The following MYCBP2 variants were observed in gnomAD, a reference collection of about 807,000 sequenced individuals.
MYCBP2 encodes E3 ubiquitin-protein ligase MYCBP2.
In MYCBP2, 120 loss-of-function variants were observed where a neutral mutation model predicts 525.3. The observed-to-expected ratio is 0.23, with a 90% confidence interval of 0.20 to 0.27. MYCBP2 has a LOEUF of 0.27. Among genes scored for constraint, MYCBP2 ranks in the 10% least tolerant of loss-of-function variants. MYCBP2 has a pLI of 1.00. For synonymous variants in MYCBP2, 1,894 were observed against 1,955.8 expected, an observed-to-expected ratio of 0.97 and a Z score of 0.83; for missense variants, 4,149 against 5,657.1, an observed-to-expected ratio of 0.73 and a Z score of 8.55.
chr13:77,095,195 C>T (rs1183398417), intron 58 of MYCBP2, among the ~76,000 whole-genome samples, 163 bp downstream of exon 58: 1 of 151,990 alleles, frequency 6.6e-6, no homozygotes, highest in Non-Finnish European at 1.5e-5. Flanking sequence ...ACCATAAAGT[C>T]ATTATGTCAG....
At position 77,169,926 on chromosome 13, in the gene MYCBP2, T is replaced by A. The variant is rs566380706; in HGVS notation, c.5795-212A>T. On this transcript the variant is annotated intron_variant, in intron 38 of 82. Coordinates refer to ENST00000544440, the MANE Select transcript of MYCBP2 (RefSeq NM_015057.5). ...TACTCACAATAAGATACTTTTATTA[T>A]CCCCAATTTTCAGAAAGGAAAACCA... is the stretch of plus-strand genomic sequence containing the variant. Among the ~76,000 whole-genome samples the A allele has an allele frequency of 5.3e-5, 8 of 152,272 alleles. No individual in the cohort carries two copies. In the South Asian group the frequency reaches 1.7e-3, roughly 32 times the overall value.
At chr13:77,067,100 A>T (rs559219669) in intron 71 of MYCBP2, among the ~76,000 whole-genome samples, 17 of 152,294 alleles carry the variant, frequency 1.1e-4, no homozygotes, top group Non-Finnish European at 1.6e-4. Context: ...ATCTATAAAT[A>T]TCTTCCTATA....
At position 77,205,523 on chromosome 13, in the gene MYCBP2, A is replaced by G; in HGVS notation, c.3665T>C (p.Val1222Ala). The change falls in exon 25 of 83, where the codon GTA (valine) becomes GCA (alanine). Residue 1222 changes from valine (V) to alanine (A), a missense_variant. Transcript: ENST00000544440. The stretch of plus-strand genomic sequence containing the variant: ...ATCTTCTTTAGAATAAACCTTCATT[A>G]CTGCTTGAGTCTCTTCCTCTGTACT... ...VASTEEETQA[V>A]MKVYSKEDYS... The G allele has an allele frequency of 6.2e-7, 1 of 1,613,628 alleles. No homozygotes were observed. The highest frequency in any genetic ancestry group is 8.5e-7 in the Non-Finnish European group (1 of 1,179,768).
chr13:77,288,092 T>A (rs915021552), intron 3 of MYCBP2, 69 bp downstream of exon 3: 1 of 1,452,722 alleles, frequency 6.9e-7, no homozygotes, highest in East Asian at 2.3e-5. Flanking sequence ...TAGCAATGCG[T>A]ATATATGCAT....
chr13:77,143,598 A>G (rs2055033379), intron 49 of MYCBP2, among the ~76,000 whole-genome samples: 1 of 151,900 alleles, frequency 6.6e-6, no homozygotes, highest in Non-Finnish European at 1.5e-5. Context: ...GACTTTTCAG[A>G]CTCCATAATT....
At position 77,087,634 on chromosome 13, in the gene MYCBP2, C is replaced by G; in HGVS notation, c.10726-1G>C. ...CATTACACAGAAGCCAGTTGAAAGC[C>G]TGAAGAAATGACGGTTAAATGAGTT... On this transcript the variant is annotated splice_acceptor_variant, in intron 61 of 82. Transcript: ENST00000544440. LOFTEE classifies it high-confidence loss of function. 6.2e-7 allele frequency: 1 copy of G among 1,607,772 alleles called. No individual in the cohort carries two copies. Among genetic ancestry groups the G allele is most frequent in the Non-Finnish European group, 8.5e-7 (1 of 1,177,228 alleles).
At chr13:77,110,254 C>T (rs1382489217) in intron 55 of MYCBP2, among the ~76,000 whole-genome samples, 1 of 152,052 alleles carries the variant, frequency 6.6e-6, no homozygotes, top group Non-Finnish European at 1.5e-5. Flanking sequence ...GAATTGCATT[C>T]CTGGGGGGAG....
intron 43 of MYCBP2, among the ~76,000 whole-genome samples, chr13:77,163,080 T>C (rs1046442077): frequency 2.6e-5 from 4 of 152,234 alleles, no homozygotes; most frequent in Non-Finnish European, 4.4e-5. Context: ...TATACTACCA[T>C]TGAATGGCTA....
At chr13:77,168,406 C>T in intron 40 of MYCBP2, 22 bp downstream of exon 40, 2 of 1,602,952 alleles carry the variant, frequency 1.2e-6, no homozygotes, top group South Asian at 2.2e-5. Context: ...ACATTCGAAT[C>T]ACACTAAGAA....
At chr13:77,266,959 G>T (rs1450622195) in intron 8 of MYCBP2, among the ~76,000 whole-genome samples, 2 of 151,834 alleles carry the variant, frequency 1.3e-5, no homozygotes, top group East Asian at 3.9e-4. Flanking sequence ...AAATTATTAA[G>T]ATTATATTTA....
At chr13:77,123,264 A>C (rs1273970413) in intron 54 of MYCBP2, among the ~76,000 whole-genome samples, 1 of 152,228 alleles carries the variant, frequency 6.6e-6, no homozygotes, top group Non-Finnish European at 1.5e-5. Context: ...TTTTATATTA[A>C]AATAGTAAGA....
chr13:77,245,392 T>C (rs1419820356), intron 15 of MYCBP2, among the ~76,000 whole-genome samples: 2 of 152,194 alleles, frequency 1.3e-5, no homozygotes, highest in Non-Finnish European at 2.9e-5. Flanking sequence ...AAAGAAAATG[T>C]GGCACATATT....
In MYCBP2 at chr13:77,081,639, C is replaced by G. The variant is rs2043320379; in HGVS notation, c.11206G>C (p.Val3736Leu). 1 of 1,609,616 alleles carries G rather than the reference C, an allele frequency of 6.2e-7. No individual in the cohort carries two copies. The highest frequency in any genetic ancestry group is 8.5e-7 in the Non-Finnish European group (1 of 1,178,044). Residue 3736 changes from valine to leucine, a missense_variant, in exon 65 of 83, where the codon GTA becomes CTA. Transcript: ENST00000544440. This position sits in a 1 kb window ranked among gnomAD's most constrained non-coding sequence, Gnocchi z 4.6. Reference protein sequence around the residue: ...FEAMSQELCIVMCLKDLTSIV... With the variant: ...FEAMSQELCILMCLKDLTSIV... ...CTGGTTAAGTCCTTTAAGCACATTACTATGCATAATTCCTATCAGAAACAA... is the reference window on the plus strand; with the variant it reads ...CTGGTTAAGTCCTTTAAGCACATTAGTATGCATAATTCCTATCAGAAACAA...
intron 49 of MYCBP2, among the ~76,000 whole-genome samples, chr13:77,143,513 T>TAC (rs1386989746): frequency 6.6e-6 from 1 of 152,212 alleles, no homozygotes; most frequent in Non-Finnish European, 1.5e-5. Flanking sequence ...GACTGAGAGT[T>TAC]ACATCATCTG....
intron 27 of MYCBP2, among the ~76,000 whole-genome samples, chr13:77,193,149 GAATA>G (rs1214016691): frequency 2.0e-5 from 3 of 151,840 alleles, no homozygotes; most frequent in African/African-American, 7.3e-5. Flanking sequence ...ATTAATAAAT[GAATA>G]AATAAAGAAA....
intron 15 of MYCBP2, among the ~76,000 whole-genome samples, chr13:77,244,782 T>C (rs986392011): frequency 6.6e-6 from 1 of 152,194 alleles, no homozygotes; most frequent in Admixed American, 6.5e-5. Context: ...AAAGGGCTAA[T>C]ATCCAGAATC....
intron 55 of MYCBP2, among the ~76,000 whole-genome samples, chr13:77,106,517 C>A (rs2154139266): frequency 6.6e-6 from 1 of 152,170 alleles, no homozygotes; most frequent in East Asian, 1.9e-4. Context: ...ATACTCAGAG[C>A]AGGTGAGATA....
intron 58 of MYCBP2, 143 bp from the exon 59 acceptor site, chr13:77,093,475 G>A (rs755708935): frequency 6.0e-6 from 4 of 663,776 alleles, no homozygotes; most frequent in Non-Finnish European, 9.6e-6. Context: ...ATGTAGGTAG[G>A]TGAAAATAAA....
intron 34 of MYCBP2, 39 bp from the exon 35 acceptor site, chr13:77,177,993 A>G: frequency 3.2e-6 from 4 of 1,246,152 alleles, no homozygotes; most frequent in Non-Finnish European, 4.7e-6. Flanking sequence ...TAGTTGGTAT[A>G]CCTTTAACAA....
Sources: allele counts gnomAD v4.1 joint callset (sites outside exome capture counted in the v4.1 genomes callset), GRCh38; gene constraint gnomAD v4.1.1; non-coding constraint Gnocchi (gnomAD v3.1); transcripts MANE v1.5; gene names NCBI Gene and HGNC (gene_info 2026-07-23, HGNC 2026-07-21).